SHROOM3: variants seen among roughly 807,000 people sequenced by gnomAD.
SHROOM3 encodes protein Shroom3.
Under a neutral mutation model 138.6 loss-of-function variants are expected in SHROOM3, and 47 were observed. The ratio of observed to expected loss-of-function variants is 0.34; its 90% confidence interval spans 0.27 to 0.43. The LOEUF (loss-of-function observed/expected upper bound fraction) is 0.43. Ranked by LOEUF, SHROOM3 falls within the 20% of genes least tolerant of loss-of-function variation. SHROOM3 has a pLI of 1.00. For missense variants in SHROOM3, 2,491 were observed against 2,596.5 expected (o/e 0.96, Z 0.88); for synonymous variants, 1,062 against 1,063.3 (o/e 1.00, Z 0.02).
intron 2 of SHROOM3, among the ~76,000 whole-genome samples, chr4:76,674,251 G>T (rs1019091588): frequency 6.6e-6 from 1 of 152,034 alleles, no homozygotes; most frequent in Non-Finnish European, 1.5e-5. Flanking sequence ...TTCATATGTC[G>T]AAAAGTCAAA....
chr4:76,764,554 CT>C (rs1722088357), intron 9 of SHROOM3, among the ~76,000 whole-genome samples: 1 of 152,202 alleles, frequency 6.6e-6, no homozygotes, highest in Non-Finnish European at 1.5e-5. Flanking sequence ...ATAACACATT[CT>C]TTTAGTTTTC....
intron 1 of SHROOM3, among the ~76,000 whole-genome samples, chr4:76,550,733 T>C (rs1263055936): frequency 1.3e-5 from 2 of 152,120 alleles, no homozygotes; most frequent in African/African-American, 4.8e-5. Context: ...GTGCAGTGGC[T>C]TTCATCTGTA....
intron 2 of SHROOM3, among the ~76,000 whole-genome samples, chr4:76,577,399 A>G (rs565193991): frequency 6.6e-6 from 1 of 152,314 alleles, no homozygotes; most frequent in South Asian, 2.1e-4. Flanking sequence ...AATTATTCTA[A>G]GTCCCTTCAT....
Position 76,756,860 on chromosome 4 carries a change from G to T in SHROOM3, c.5121G>T (p.Val1707=). Residue 1707 remains valine, a synonymous_variant, in exon 8 of 11, where the codon GTG becomes GTT. Transcript: ENST00000296043. ...TGGAAGGTTTGTTTCCCCGAGATGT[G>T]AACTTGCTGAAGGAAAACAGTGTAA... ...DLMEGLFPRD[V]NLLKENSVKR... is the part of the protein sequence containing the mutation. 3 of 1,614,178 alleles carry T rather than the reference G, an allele frequency of 1.9e-6. No homozygotes were observed. The highest frequency in any genetic ancestry group is 2.5e-6 in the Non-Finnish European group (3 of 1,180,044).
At chr4:76,440,146 C>T (rs1730640337) in intron 1 of SHROOM3, among the ~76,000 whole-genome samples, 1 of 152,228 alleles carries the variant, frequency 6.6e-6, no homozygotes, top group Admixed American at 6.5e-5. Context: ...GCAGCAACTG[C>T]CGGTACTTAT....
intron 2 of SHROOM3, among the ~76,000 whole-genome samples, chr4:76,619,639 G>C (rs1038350387): frequency 6.6e-6 from 1 of 152,130 alleles, no homozygotes; most frequent in African/African-American, 2.4e-5. Flanking sequence ...AATGAGAGGC[G>C]AGCTACTGTT....
At chr4:76,727,492 G>A (rs1720745233) in intron 3 of SHROOM3, among the ~76,000 whole-genome samples, 1 of 152,120 alleles carries the variant, frequency 6.6e-6, no homozygotes, top group African/African-American at 2.4e-5. Flanking sequence ...TAATTTCTGG[G>A]GACTTTGGTG....
At chr4:76,505,081 CAA>C (rs1477042745) in intron 1 of SHROOM3, among the ~76,000 whole-genome samples, 2 of 152,144 alleles carry the variant, frequency 1.3e-5, no homozygotes, top group African/African-American at 4.8e-5. Context: ...AGAGAATGTA[CAA>C]AGAGTATAGC....
intron 4 of SHROOM3, among the ~76,000 whole-genome samples, chr4:76,731,671 C>T (rs927318493): frequency 1.3e-5 from 2 of 152,022 alleles, no homozygotes. Flanking sequence ...ATCCCAGCTA[C>T]TCGGGAGGCT....
chr4:76,584,400 C>G (rs943723449), intron 2 of SHROOM3, among the ~76,000 whole-genome samples: 1 of 151,988 alleles, frequency 6.6e-6, no homozygotes, highest in Admixed American at 6.6e-5. Context: ...GCAATATACA[C>G]AGTTCCCTGA....
At chr4:76,460,787 T>C (rs1488248020) in intron 1 of SHROOM3, among the ~76,000 whole-genome samples, 1 of 133,232 alleles carries the variant, frequency 7.5e-6, no homozygotes, top group African/African-American at 2.8e-5. Flanking sequence ...AGTCCAGGAG[T>C]CAAGACCAGC....
rs1296438924 is a variant in SHROOM3, at chr4:76,575,067, T to C, written c.323+19304T>C. On this transcript the variant is annotated intron_variant, in intron 2 of 10. Transcript: ENST00000296043. ...AACATATATAAATCAATCAATACTATATATCTTCTCAATAGAATGAAGAAC... is the reference window on the plus strand; with the variant it reads ...AACATATATAAATCAATCAATACTACATATCTTCTCAATAGAATGAAGAAC... Among the ~76,000 whole-genome samples, 4 of 152,342 alleles carry C rather than the reference T, an allele frequency of 2.6e-5. No individual in the cohort carries two copies. The East Asian group carries it at 5.8e-4, about 22-fold the overall frequency.
At chr4:76,543,708 C>G (rs1044445334) in intron 1 of SHROOM3, among the ~76,000 whole-genome samples, 1 of 152,102 alleles carries the variant, frequency 6.6e-6, no homozygotes, top group African/African-American at 2.4e-5. Flanking sequence ...GGATCTCTGC[C>G]TGGAGATGAC....
intron 9 of SHROOM3, among the ~76,000 whole-genome samples, chr4:76,767,996 GATA>G (rs1722219626): frequency 6.6e-6 from 1 of 152,206 alleles, no homozygotes; most frequent in South Asian, 2.1e-4. Context: ...AGGGTGCAGT[GATA>G]ATGTTTTGCC....
chr4:76,763,260 A>C (rs1320173707), intron 9 of SHROOM3, among the ~76,000 whole-genome samples: 1 of 152,026 alleles, frequency 6.6e-6, no homozygotes, highest in African/African-American at 2.4e-5. Flanking sequence ...GTTGGCGCAC[A>C]ACTGTAATCC....
At chr4:76,615,786 G>A (rs1183688095) in intron 2 of SHROOM3, among the ~76,000 whole-genome samples, 1 of 152,166 alleles carries the variant, frequency 6.6e-6, no homozygotes. Context: ...TGGGATTTGA[G>A]TTTTGATCAG....
chr4:76,731,102 A>G (rs1027815245), intron 4 of SHROOM3, among the ~76,000 whole-genome samples, 167 bp downstream of exon 4: 2 of 152,212 alleles, frequency 1.3e-5, no homozygotes, highest in Non-Finnish European at 2.9e-5. Flanking sequence ...TGACGTGTAT[A>G]TGAGTTACCT....
At chr4:76,581,559 C>T (rs1018434792) in intron 2 of SHROOM3, among the ~76,000 whole-genome samples, 3 of 152,106 alleles carry the variant, frequency 2.0e-5, no homozygotes, top group South Asian at 4.2e-4. Context: ...GTTAAAGTTA[C>T]GGTGTCATCA....
chr4:76,645,948 G>C (rs1301045645), intron 2 of SHROOM3, among the ~76,000 whole-genome samples: 1 of 152,040 alleles, frequency 6.6e-6, no homozygotes, highest in Non-Finnish European at 1.5e-5. Flanking sequence ...GATTTAAGAA[G>C]TTCCATTTCT....
Sources: gnomAD v4.1 joint callset for allele counts (sites outside exome capture counted in the v4.1 genomes callset) on GRCh38, gnomAD v4.1.1 for gene constraint, MANE v1.5 for transcripts, NCBI Gene and HGNC (gene_info 2026-07-23, HGNC 2026-07-21) for gene names.